Variants in NELL2 observed in about 807,000 individuals in gnomAD.
NELL2 encodes neural EGFL like 2.
NELL2 carries 41 observed loss-of-function variants against 109.6 expected under a neutral mutation model. The observed-to-expected ratio is 0.37, with a 90% CI of 0.29 to 0.49. The LOEUF (loss-of-function observed/expected upper bound fraction) is 0.49, where lower values mean the gene tolerates loss of function less well. Ranked by LOEUF, NELL2 falls within the 20% of genes least tolerant of loss-of-function variation. The pLI is 0.98. For missense variants in NELL2, 900 were observed against 1,008.3 expected (o/e 0.89, Z 1.45); for synonymous variants, 355 against 344.7 (o/e 1.03, Z -0.33).
intron 9 of NELL2, among the ~76,000 whole-genome samples, chr12:44,764,844 AAG>A (rs1173729028): frequency 3.3e-5 from 5 of 151,930 alleles, no homozygotes; most frequent in Non-Finnish European, 5.9e-5. Flanking sequence ...TAAGATCAAA[AAG>A]AGAGAGAGAG....
At chr12:44,646,661 C>T (rs1361321816) in intron 13 of NELL2, among the ~76,000 whole-genome samples, 1 of 152,094 alleles carries the variant, frequency 6.6e-6, no homozygotes, top group African/African-American at 2.4e-5. Context: ...TGACTGAAGC[C>T]ATGGAAAGCG....
intron 12 of NELL2, among the ~76,000 whole-genome samples, chr12:44,678,615 AC>A (rs1455891276): frequency 6.6e-6 from 1 of 152,090 alleles, no homozygotes; most frequent in Non-Finnish European, 1.5e-5. Context: ...ATTGTGAGCT[AC>A]CTAACGTCCT....
intron 2 of NELL2, among the ~76,000 whole-genome samples, chr12:44,820,565 C>A (rs528294805): frequency 2.0e-5 from 3 of 149,602 alleles, no homozygotes; most frequent in African/African-American, 7.4e-5. Context: ...GCCGAGATCG[C>A]GCCACTGCAC....
At chr12:44,711,453 T>G (rs1381989486) in intron 10 of NELL2, 59 bp from the exon 11 acceptor site, 24 of 1,438,786 alleles carry the variant, frequency 1.7e-5, no homozygotes, top group Non-Finnish European at 2.9e-6. Flanking sequence ...GTTAAGAAGT[T>G]TCCAGATCCA....
In NELL2 at chr12:44,847,647, T is replaced by A. The variant is rs576468506; in HGVS notation, c.184+27578A>T. ...GAGAAGCGAGAAGTTAAAAAAAAAA[T>A]TTTTTTAACCCACTCCATGCAAGAC... is the stretch of plus-strand genomic sequence containing the variant. On this transcript the variant is annotated intron_variant, in intron 2 of 19. Transcript: ENST00000429094. Among the ~76,000 whole-genome samples, 1,001 of 149,798 alleles carry A rather than the reference T, an allele frequency of 6.7e-3. 14 individuals carry two copies. The highest frequency in any genetic ancestry group is 0.023 in the African/African-American group (919 of 40,788).
intron 9 of NELL2, among the ~76,000 whole-genome samples, chr12:44,774,398 C>CAA (rs1941668449): frequency 6.6e-6 from 1 of 152,168 alleles, no homozygotes; most frequent in East Asian, 1.9e-4. Flanking sequence ...TCATGGATTT[C>CAA]TTTGGTTATT....
At chr12:44,654,337 C>T (rs764190836) in intron 13 of NELL2, among the ~76,000 whole-genome samples, 94 of 152,164 alleles carry the variant, frequency 6.2e-4, no homozygotes, top group Non-Finnish European at 1.1e-3. Flanking sequence ...ACTCTCTCTA[C>T]TCTTGTCCTT....
chr12:44,767,476 A>G (rs749116552), intron 9 of NELL2, among the ~76,000 whole-genome samples: 2 of 152,174 alleles, frequency 1.3e-5, no homozygotes, highest in Non-Finnish European at 2.9e-5. Context: ...AAAAGCTGGC[A>G]ATATTAAAAG....
chr12:44,650,440 C>A (rs1407843398), intron 13 of NELL2, among the ~76,000 whole-genome samples: 2 of 151,948 alleles, frequency 1.3e-5, no homozygotes, highest in African/African-American at 2.4e-5. Context: ...GGATTACAGG[C>A]GCCTGCCACC....
Position 44,628,598 on chromosome 12 carries a change from C to T in NELL2, c.1445-17628G>A, listed in dbSNP as rs943677861. ...ACCCTGTAATGTTCTTCCCCAGGTT[C>T]TTCATCCCTCAGGACCCCAGTGAGG... On this transcript the variant is annotated intron_variant, in intron 13 of 19. Transcript: ENST00000429094. Among the ~76,000 whole-genome samples the T allele has an allele frequency of 7.0e-4, 107 of 152,312 alleles. 1 individual carries two copies. In the Middle Eastern group the frequency reaches 0.01, roughly 15 times the overall value.
At chr12:44,818,804 G>A (rs567737992) in intron 2 of NELL2, among the ~76,000 whole-genome samples, 38 of 137,084 alleles carry the variant, frequency 2.8e-4, no homozygotes, top group East Asian at 6.9e-4. Context: ...CTGCAGTGGC[G>A]CAATCTCGGC....
chr12:44,871,856 AC>A (rs1282376753), intron 2 of NELL2, among the ~76,000 whole-genome samples: 2 of 152,218 alleles, frequency 1.3e-5, no homozygotes, highest in African/African-American at 2.4e-5. Flanking sequence ...TGTAAAAAAA[AC>A]ATGCTTTGAT....
At chr12:44,773,360 C>G (rs1380279716) in intron 9 of NELL2, among the ~76,000 whole-genome samples, 3 of 151,944 alleles carry the variant, frequency 2.0e-5, no homozygotes, top group Non-Finnish European at 2.9e-5. Context: ...CCTGTAGTCC[C>G]GACTACTCAG....
intron 19 of NELL2, 41 bp from the exon 20 acceptor site, chr12:44,509,025 TTAAGCCATTAG>T: frequency 6.5e-7 from 1 of 1,532,950 alleles, no homozygotes; most frequent in South Asian, 1.1e-5. Context: ...GTATGAATTT[TTAAGCCATTAG>T]TAAATGATCA....
chr12:44,619,388 G>A (rs879056824), intron 13 of NELL2, among the ~76,000 whole-genome samples: 8 of 152,268 alleles, frequency 5.3e-5, no homozygotes, highest in East Asian at 1.9e-4. Flanking sequence ...AAAAGGTGGC[G>A]TGAAAAATTG....
chr12:44,588,375 C>T (rs774598363), intron 15 of NELL2, among the ~76,000 whole-genome samples: 16 of 152,080 alleles, frequency 1.1e-4, no homozygotes, highest in Admixed American at 3.3e-4. Flanking sequence ...CCAAGCTTCA[C>T]GGCCAAGGCT....
At chr12:44,844,745 CA>C (rs1187835052) in intron 2 of NELL2, among the ~76,000 whole-genome samples, 2 of 152,070 alleles carry the variant, frequency 1.3e-5, no homozygotes, top group African/African-American at 4.8e-5. Context: ...TTTTAAAATC[CA>C]GTTCAAAATC....
intron 13 of NELL2, among the ~76,000 whole-genome samples, chr12:44,624,775 G>C (rs1478492400): frequency 6.7e-6 from 1 of 148,310 alleles, no homozygotes; most frequent in Non-Finnish European, 1.5e-5. Context: ...ACTCACTAAT[G>C]CTCCTGCTTC....
chr12:44,855,761 A>T (rs1437781349), intron 2 of NELL2, among the ~76,000 whole-genome samples: 3 of 152,214 alleles, frequency 2.0e-5, no homozygotes, highest in Non-Finnish European at 2.9e-5. Context: ...ATCAAGAAGC[A>T]TTCAGGATGT....
Sources: allele counts gnomAD v4.1 joint callset (sites outside exome capture counted in the v4.1 genomes callset), GRCh38; gene constraint gnomAD v4.1.1; transcripts MANE v1.5; gene names NCBI Gene and HGNC (gene_info 2026-07-23, HGNC 2026-07-21).